Variants in CDH2 observed in about 807,000 individuals in gnomAD.
CDH2 encodes cadherin-2.
CDH2 carries 17 observed loss-of-function variants against 92.0 expected under a neutral mutation model. The observed-to-expected ratio is 0.18, with a 90% CI of 0.13 to 0.28. The LOEUF (loss-of-function observed/expected upper bound fraction) is 0.28. CDH2 is among the 10% of genes least tolerant of loss of function. The pLI, the probability that CDH2 is intolerant of heterozygous loss-of-function variation, is 1.00. For missense variants in CDH2, 862 were observed against 1,133.1 expected (o/e 0.76, Z 3.44); for synonymous variants, 419 against 415.9 (o/e 1.01, Z -0.09).
chr18:28,031,710 A>G (rs2013700475), intron 2 of CDH2, among the ~76,000 whole-genome samples: 1 of 152,132 alleles, frequency 6.6e-6, no homozygotes, highest in Non-Finnish European at 1.5e-5. Context: ...GGGAATCACG[A>G]GAACTTGGAA....
chr18:28,026,667 C>T (rs751682119), intron 2 of CDH2, among the ~76,000 whole-genome samples: 1 of 152,128 alleles, frequency 6.6e-6, no homozygotes. Context: ...CAATGTCAGC[C>T]ATGTATGTTA....
chr18:28,161,073 A>T (rs933121604), intron 1 of CDH2, among the ~76,000 whole-genome samples: 1 of 152,188 alleles, frequency 6.6e-6, no homozygotes, highest in Admixed American at 6.5e-5. Context: ...GCTTAGACTG[A>T]CCAGCATCCA....
chr18:28,007,738 T>A (rs1038842888), intron 5 of CDH2, among the ~76,000 whole-genome samples: 12 of 152,056 alleles, frequency 7.9e-5, no homozygotes, highest in Admixed American at 2.0e-4. Context: ...GTTTTTTTTG[T>A]GAGATGCAGT....
chr18:27,947,738 GTGATA>G (rs1246609174), downstream of CDH2, among the ~76,000 whole-genome samples: 4 of 150,188 alleles, frequency 2.7e-5, no homozygotes, highest in Non-Finnish European at 4.5e-5. Context: ...GTAAGCATAT[GTGATA>G]TAAGTGTATA....
At position 27,952,340 on chromosome 18, in the gene CDH2, T is replaced by C. The variant is rs2289664; in HGVS notation, c.2534A>G (p.Asn845Ser). The change falls in exon 16 of 16, where the codon AAT becomes AGT. Residue 845 changes from asparagine (N) to serine (S), a missense_variant. Transcript: ENST00000269141. Reference sequence around the variant, plus strand: ...GTCATATGGTGGAGCTGTGGGGTCATTGTCAGCCGCTTTAAGGCCCTGCAA... The same window carrying C: ...GTCATATGGTGGAGCTGTGGGGTCACTGTCAGCCGCTTTAAGGCCCTGCAA... ...FINEGLKAADNDPTAPPYDSL... is the reference protein window; with the variant it reads ...FINEGLKAADSDPTAPPYDSL... 44,003 of 1,613,268 alleles carry C rather than the reference T, an allele frequency of 0.027. 703 individuals are homozygous for C. Among genetic ancestry groups the C allele is most frequent in the South Asian group, 0.048 (4,405 of 91,052 alleles).
chr18:27,974,409 G>A (rs895454159), intron 14 of CDH2, among the ~76,000 whole-genome samples: 2 of 152,166 alleles, frequency 1.3e-5, no homozygotes, highest in Non-Finnish European at 2.9e-5. Context: ...TCTGCTTTTT[G>A]AAAGGATTAG....
chr18:28,082,839 T>A (rs11564403), intron 2 of CDH2, among the ~76,000 whole-genome samples: 31,590 of 152,106 alleles, frequency 0.21, 3,794 homozygotes, highest in Non-Finnish European at 0.27. Flanking sequence ...GTTAATATCA[T>A]CTCTTAAGAA....
chr18:27,984,481 A>G (rs1318035263), intron 13 of CDH2, among the ~76,000 whole-genome samples: 3 of 152,168 alleles, frequency 2.0e-5, no homozygotes, highest in Admixed American at 2.0e-4. Context: ...AATCATTTCT[A>G]TTATCAAATG....
intron 5 of CDH2, among the ~76,000 whole-genome samples, 163 bp downstream of exon 5, chr18:28,009,554 T>C (rs2013035584): frequency 6.6e-6 from 1 of 152,192 alleles, no homozygotes; most frequent in Non-Finnish European, 1.5e-5. Context: ...ATTTATCAAT[T>C]CTATAAAAAC....
chr18:28,125,413 T>A (rs1349042099), intron 2 of CDH2, among the ~76,000 whole-genome samples: 2 of 151,636 alleles, frequency 1.3e-5, no homozygotes, highest in Middle Eastern at 3.4e-3. Context: ...TGGAATGGAG[T>A]AAAAAAAAAT....
intron 2 of CDH2, among the ~76,000 whole-genome samples, chr18:28,055,143 C>T (rs12327043): frequency 1.2e-3 from 185 of 152,274 alleles, no homozygotes; most frequent in African/African-American, 4.2e-3. Flanking sequence ...AGGCAAAAGA[C>T]ATGTCTTAAA....
intron 2 of CDH2, among the ~76,000 whole-genome samples, chr18:28,071,132 T>C (rs919481908): frequency 6.6e-6 from 1 of 152,104 alleles, no homozygotes; most frequent in Non-Finnish European, 1.5e-5. Context: ...TCTTAGCTTT[T>C]CTGACAGATT....
At chr18:28,136,179 C>G (rs1376882665) in intron 2 of CDH2, among the ~76,000 whole-genome samples, 1 of 152,096 alleles carries the variant, frequency 6.6e-6, no homozygotes, top group Non-Finnish European at 1.5e-5. Context: ...TATAACCCAA[C>G]AAGTTGCTAA....
chr18:27,964,216 T>C (rs2143891017), intron 14 of CDH2, among the ~76,000 whole-genome samples: 1 of 152,332 alleles, frequency 6.6e-6, no homozygotes, highest in Admixed American at 6.5e-5. Flanking sequence ...GGGTGGATTT[T>C]CTTCCAATGC....
chr18:28,176,741 A>T (rs1258829823), intron 1 of CDH2, among the ~76,000 whole-genome samples: 1 of 151,788 alleles, frequency 6.6e-6, no homozygotes, highest in Non-Finnish European at 1.5e-5. Flanking sequence ...GAGCCCCGCC[A>T]GGAAAGGCGC....
At chr18:27,979,100 T>TA (rs1467244066) in intron 14 of CDH2, among the ~76,000 whole-genome samples, 1 of 152,116 alleles carries the variant, frequency 6.6e-6, no homozygotes, top group Non-Finnish European at 1.5e-5. Context: ...AGAATATATT[T>TA]ACAATATATT....
Position 28,009,859 on chromosome 18 carries a change from C to G in CDH2, c.560G>C (p.Arg187Thr). The G allele has an allele frequency of 6.2e-7, 1 of 1,610,314 alleles. No homozygotes were observed. Among genetic ancestry groups the G allele is most frequent in the Non-Finnish European group, 8.5e-7 (1 of 1,178,170 alleles). The change falls in exon 5 of 16, where the codon AGA becomes ACA. Residue 187 changes from arginine (R) to threonine (T), a missense_variant. Around this residue, in one of 5 missense-constraint regions of CDH2, gnomAD observed 21 missense variants for 61.8 expected, o/e 0.34. Coordinates refer to ENST00000269141, the MANE Select transcript of CDH2 (RefSeq NM_001792.5). ...GTACCGCAGTGAAAGGTTTTTATCT[C>G]TATCAGACCTGATCTGAGGATCAAG... The part of the protein sequence containing the change: ...PQELVRIRSD[R>T]DKNLSLRYSV...
intron 2 of CDH2, among the ~76,000 whole-genome samples, chr18:28,062,891 T>C (rs2014430674): frequency 1.3e-5 from 2 of 152,086 alleles, no homozygotes; most frequent in South Asian, 4.1e-4. Flanking sequence ...GAGAATTGCT[T>C]GCACCTGGGA....
chr18:27,970,181 C>T (rs942951263), intron 14 of CDH2, among the ~76,000 whole-genome samples: 7 of 152,078 alleles, frequency 4.6e-5, no homozygotes, highest in African/African-American at 9.7e-5. Flanking sequence ...AATAATTTCC[C>T]GTTGTTTTGA....
Sources: gnomAD v4.1 joint callset for allele counts (sites outside exome capture counted in the v4.1 genomes callset) on GRCh38, gnomAD v4.1.1 for gene constraint, gnomAD v4.1.1 regional missense constraint, MANE v1.5 for transcripts, NCBI Gene and HGNC (gene_info 2026-07-23, HGNC 2026-07-21) for gene names.